Variants in ERLEC1 observed in about 807,000 individuals in gnomAD.
ERLEC1 encodes ER lectin.
Under a neutral mutation model 68.0 loss-of-function variants are expected in ERLEC1, and 47 were observed. The ratio of observed to expected loss-of-function variants is 0.69; its 90% CI spans 0.55 to 0.88. ERLEC1 has a LOEUF of 0.88. Ranked by LOEUF, ERLEC1 falls within the 40% of genes least tolerant of loss-of-function variation. The pLI, the probability that ERLEC1 is intolerant of heterozygous loss-of-function variation, is 0.00. For missense variants in ERLEC1, 567 were observed against 583.8 expected (o/e 0.97, Z 0.30); for synonymous variants, 225 against 203.2 (o/e 1.11, Z -0.91).
intron 1 of ERLEC1, among the ~76,000 whole-genome samples, chr2:53,788,280 C>T (rs1675185869): frequency 6.6e-6 from 1 of 152,152 alleles, no homozygotes; most frequent in Non-Finnish European, 1.5e-5. Context: ...TTCATTGAAA[C>T]AGTAAGTGAC....
intron 2 of ERLEC1, among the ~76,000 whole-genome samples, chr2:53,794,678 C>T (rs748901097): frequency 7.2e-5 from 11 of 151,920 alleles, no homozygotes; most frequent in Non-Finnish European, 1.5e-4. Context: ...TATTTTGAGA[C>T]GAAGTCTCAC....
At chr2:53,789,334 C>G (rs1197639000) in intron 1 of ERLEC1, among the ~76,000 whole-genome samples, 1 of 144,592 alleles carries the variant, frequency 6.9e-6, no homozygotes, top group Non-Finnish European at 1.5e-5. Flanking sequence ...GTGGAGGTTG[C>G]ACTGAGCCAA....
intron 1 of ERLEC1, among the ~76,000 whole-genome samples, chr2:53,790,189 G>C (rs889641018): frequency 6.6e-6 from 1 of 151,392 alleles, no homozygotes; most frequent in Non-Finnish European, 1.5e-5. Context: ...TGCCTCCCGG[G>C]TTCAAGCGAT....
chr2:53,814,811 TCTTA>T (rs753708967), intron 12 of ERLEC1, 45 bp from the exon 13 acceptor site: 2 of 1,376,214 alleles, frequency 1.5e-6, no homozygotes, highest in Non-Finnish European at 2.1e-6. Flanking sequence ...TTAACAGTGA[TCTTA>T]CTTTAAATGA....
In ERLEC1 at chr2:53,801,713, G is replaced by C. The variant is rs1240077657; in HGVS notation, c.750G>C (p.Arg250Ser). The change falls in exon 8 of 14, where the codon AGG becomes AGC. Residue 250 changes from arginine to serine, a missense_variant and splice_region_variant. Arg to Ser is a moderately radical substitution (Grantham distance 110). Transcript: ENST00000185150. ...TPLLCSHPKY[R>S]FRASPVNDIF... is the part of the protein sequence containing the mutation. ...TTAATGCTTTGTTCCTACTGAACAG[G>C]TTCAGAGCATCTCCTGTGAATGACA... 5 of 1,613,996 alleles carry C rather than the reference G, an allele frequency of 3.1e-6. No homozygotes were observed. In the South Asian group the frequency reaches 5.5e-5, roughly 18 times the overall value.
intron 3 of ERLEC1, among the ~76,000 whole-genome samples, chr2:53,796,645 T>TC (rs1384111596): frequency 1.3e-5 from 2 of 151,930 alleles, no homozygotes; most frequent in Non-Finnish European, 2.9e-5. Flanking sequence ...ATGAGGTTTT[T>TC]CACAGTGTTG....
Position 53,787,101 on chromosome 2 carries a change from A to G in ERLEC1, c.-110A>G. ...ACGTGGCGGCGGTTGGGCCGGTGAT[A>G]CCCGGGCGCTTTATAGTCCCGCCGC... On this transcript the variant is annotated 5_prime_UTR_variant, in exon 1 of 14. It adds an upstream start codon to the 5' untranslated region. Coordinates refer to ENST00000185150, the MANE Select transcript of ERLEC1 (RefSeq NM_015701.5). 4.5e-6 allele frequency: 6 copies of G among 1,341,220 alleles called. No homozygotes were observed. Among genetic ancestry groups the G allele is most frequent in the Non-Finnish European group, 5.9e-6 (6 of 1,025,438 alleles). 83.1% of individuals were successfully genotyped at this position (1,341,220 alleles called of 1,614,324 possible).
intron 1 of ERLEC1, among the ~76,000 whole-genome samples, chr2:53,793,620 CT>C (rs1187132326): frequency 2.2e-4 from 32 of 146,902 alleles, no homozygotes; most frequent in Admixed American, 1.4e-4. Context: ...TTCTTTTTTT[CT>C]TTTTTTTTTG....
intron 1 of ERLEC1, among the ~76,000 whole-genome samples, chr2:53,791,993 G>A (rs7557316): frequency 6.7e-6 from 1 of 150,118 alleles, no homozygotes; most frequent in East Asian, 2.0e-4. Context: ...CTCTCTGCAA[G>A]CTCCGCCTCC....
intron 13 of ERLEC1, 132 bp downstream of exon 13, chr2:53,815,067 A>T: frequency 1.8e-6 from 1 of 555,856 alleles, no homozygotes; most frequent in Non-Finnish European, 3.0e-6. Context: ...GTGCCGTGGC[A>T]TAATCTTGGC....
At chr2:53,801,207 C>G (rs980197540) in intron 6 of ERLEC1, among the ~76,000 whole-genome samples, 190 bp from the exon 7 acceptor site, 2 of 152,156 alleles carry the variant, frequency 1.3e-5, no homozygotes, top group Admixed American at 1.3e-4. Flanking sequence ...TCTGAAAATA[C>G]ATATTTGCTC....
intron 8 of ERLEC1, among the ~76,000 whole-genome samples, chr2:53,802,992 T>C (rs1676084150): frequency 6.6e-6 from 1 of 152,140 alleles, no homozygotes; most frequent in African/African-American, 2.4e-5. Context: ...GAAGATGTGA[T>C]TCCAATGTTA....
intron 5 of ERLEC1, among the ~76,000 whole-genome samples, chr2:53,798,840 A>G (rs1048770124): frequency 6.6e-6 from 1 of 152,044 alleles, no homozygotes; most frequent in Non-Finnish European, 1.5e-5. Context: ...CCTGAAATAG[A>G]GTATTTCCTG....
At chr2:53,814,729 A>T in intron 12 of ERLEC1, 109 bp downstream of exon 12, 1 of 993,832 alleles carries the variant, frequency 1.0e-6, no homozygotes, top group East Asian at 2.6e-5. Context: ...AAAGTATACC[A>T]TTTAAATTAT....
chr2:53,797,356 T>C (rs1675768418), intron 3 of ERLEC1, among the ~76,000 whole-genome samples, 159 bp from the exon 4 acceptor site: 1 of 152,220 alleles, frequency 6.6e-6, no homozygotes, highest in Non-Finnish European at 1.5e-5. Flanking sequence ...ATGAATAGAC[T>C]TCAGAAATTT....
intron 11 of ERLEC1, 73 bp downstream of exon 11, chr2:53,813,146 A>G: frequency 6.5e-7 from 1 of 1,542,288 alleles, no homozygotes; most frequent in Non-Finnish European, 8.8e-7. Context: ...GAAAAACATA[A>G]AAATTCAAAC....
rs759857090 is a variant in ERLEC1 at position 53,797,554 on chromosome 2, C to G, written c.388C>G (p.His130Asp). 5.6e-6 allele frequency: 9 copies of G among 1,612,678 alleles called. No individual in the cohort carries two copies. The change falls in exon 4 of 14, where the codon CAC (histidine) becomes GAC (aspartate). Residue 130 changes from histidine (H) to aspartate (D), a missense_variant. Transcript: ENST00000185150. ...YWTYEVCHGK[H>D]IRQYHEEKET... ...GACTTACGAAGTATGTCATGGAAAA[C>G]ACATTCGGCAGTACCATGAAGAGAA...
chr2:53,805,898 A>G (rs1676271020), intron 8 of ERLEC1, among the ~76,000 whole-genome samples: 2 of 152,184 alleles, frequency 1.3e-5, no homozygotes, highest in South Asian at 4.1e-4. Context: ...CTGATGATCA[A>G]TGATGTTGAT....
At chr2:53,812,556 G>T (rs1241868927) in intron 10 of ERLEC1, among the ~76,000 whole-genome samples, 1 of 152,140 alleles carries the variant, frequency 6.6e-6, no homozygotes, top group Non-Finnish European at 1.5e-5. Context: ...AGTAGTATGT[G>T]ATAGTATTAT....
Sources: gnomAD v4.1 joint callset for allele counts (sites outside exome capture counted in the v4.1 genomes callset) on GRCh38, gnomAD v4.1.1 for gene constraint, MANE v1.5 for transcripts, NCBI Gene and HGNC (gene_info 2026-07-23, HGNC 2026-07-21) for gene names.